Variants in COL27A1 observed in about 807,000 individuals in gnomAD.
The protein encoded by COL27A1 is collagen type XXVII alpha 1 chain.
COL27A1 carries 106 observed loss-of-function variants against 251.3 expected under a neutral mutation model. The ratio of observed to expected loss-of-function variants is 0.42; its 90% CI spans 0.36 to 0.50. The LOEUF (loss-of-function observed/expected upper bound fraction) is 0.50, where lower values mean the gene tolerates loss of function less well. Ranked by LOEUF, COL27A1 falls within the 20% of genes least tolerant of loss-of-function variation. The probability of loss-of-function intolerance (pLI) is 0.00; values close to 1 mark genes in which losing one functional copy is unlikely to be tolerated. For missense variants in COL27A1, 2,325 were observed against 2,522.8 expected (o/e 0.92, Z 1.68); for synonymous variants, 1,000 against 986.3 (o/e 1.01, Z -0.26).
chr9:114,167,584 C>A, intron 2 of COL27A1, 105 bp from the exon 3 acceptor site: 1 of 907,342 alleles, frequency 1.1e-6, no homozygotes, highest in South Asian at 1.6e-5. Context: ...GACCAGGTAG[C>A]TGTGGGTGGA....
rs745478632 is a variant in COL27A1, at chr9:114,288,726, C to T, written c.4069C>T (p.Arg1357Cys). 21 of 1,610,436 alleles carry T rather than the reference C, an allele frequency of 1.3e-5. No homozygotes were observed. The highest frequency in any genetic ancestry group is 3.3e-5 in the Admixed American group (2 of 59,868). ...GGGCCCTGTGGGTGATCGAGGAGACCGCGGGGAACCGGGAGACCCTGGGTA... is the reference window on the plus strand; with the variant it reads ...GGGCCCTGTGGGTGATCGAGGAGACTGCGGGGAACCGGGAGACCCTGGGTA... ...DRGPVGDRGDRGEPGDPGYPG... is the reference protein window; with the variant it reads ...DRGPVGDRGDCGEPGDPGYPG... Residue 1357 changes from arginine to cysteine, a missense_variant, in exon 43 of 61, where the codon CGC (arginine) becomes TGC (cysteine). Physicochemically the swap from Arg to Cys is radical, Grantham distance 180. Coordinates refer to ENST00000356083, the MANE Select transcript of COL27A1 (RefSeq NM_032888.4).
In COL27A1 at chr9:114,311,515, A is replaced by C. The variant is rs2131708851; in HGVS notation, c.*820A>C. 1 of 150,374 alleles carries C rather than the reference A, an allele frequency of 6.7e-6. No individual in the cohort carries two copies. Among genetic ancestry groups the C allele is most frequent in the East Asian group, 2.0e-4 (1 of 5,098 alleles). 9.3% of individuals were successfully genotyped at this position (150,374 alleles called of 1,614,324 possible). ...GCATCGCCCTTGTGCTCATCAGGTA[A>C]TCTGCTAAGGAGGAAAAAAGAAAAG... On this transcript the variant is annotated 3_prime_UTR_variant, in exon 61 of 61. Transcript: ENST00000356083.
Position 114,183,095 on chromosome 9 carries a change from G to A in COL27A1, c.2016+20G>A, listed in dbSNP as rs376908693. On this transcript the variant is annotated intron_variant, in intron 5 of 60. Transcript: ENST00000356083. ...GCCAAAGTGAGTATTTGCTGGAGAT[G>A]TGGCCATGGAGTGGGTGCTGGGGTT... 16 of 1,610,410 alleles carry A rather than the reference G, an allele frequency of 9.9e-6. No individual in the cohort carries two copies. Among genetic ancestry groups the A allele is most frequent in the Non-Finnish European group, 1.3e-5 (15 of 1,177,744 alleles).
chr9:114,188,534 C>T (rs1828537956), intron 5 of COL27A1, among the ~76,000 whole-genome samples: 1 of 151,804 alleles, frequency 6.6e-6, no homozygotes, highest in African/African-American at 2.4e-5. Context: ...GAGGATTAAA[C>T]TGTGTGTGTG....
At chr9:114,189,097 C>A (rs1234274653) in intron 5 of COL27A1, among the ~76,000 whole-genome samples, 1 of 152,166 alleles carries the variant, frequency 6.6e-6, no homozygotes, top group African/African-American at 2.4e-5. Context: ...TCTATAAAAT[C>A]TGTGGTTCTT....
chr9:114,241,821 T>G (rs1264729270), intron 21 of COL27A1, among the ~76,000 whole-genome samples: 1 of 152,206 alleles, frequency 6.6e-6, no homozygotes, highest in African/African-American at 2.4e-5. Context: ...TCTGGGAAAC[T>G]GAGACACAGT....
At position 114,306,371 on chromosome 9, in the gene COL27A1, C is replaced by G. The variant is rs779292121; in HGVS notation, c.4939-149C>G. The stretch of plus-strand genomic sequence containing the variant: ...TGTCCCTGGCCCGTTTTCTTGTCTG[C>G]AAAATAAAGAGAAACCCAACCCGTG... On this transcript the variant is annotated intron_variant, in intron 57 of 60. Coordinates refer to ENST00000356083, the MANE Select transcript of COL27A1 (RefSeq NM_032888.4). The G allele has an allele frequency of 2.7e-4, 196 of 719,698 alleles. 1 individual carries two copies. The highest frequency in any genetic ancestry group is 4.1e-4 in the Non-Finnish European group (182 of 446,050). The allele number at this position is 719,698 out of a possible 1,614,324, so 44.6% of individuals were successfully genotyped here. A position where few individuals can be genotyped will look rare whatever the true frequency, so the allele number is the denominator to read the frequency against.
chr9:114,157,899 A>G (rs1243108569), intron 1 of COL27A1, among the ~76,000 whole-genome samples: 1 of 152,234 alleles, frequency 6.6e-6, no homozygotes, highest in African/African-American at 2.4e-5. Flanking sequence ...ATGCTTGTAA[A>G]GGGCTTAGAA....
chr9:114,173,982 AT>A (rs35701083), intron 3 of COL27A1, among the ~76,000 whole-genome samples: 96,353 of 145,322 alleles, frequency 0.66, 31,747 homozygotes, highest in South Asian at 0.79. Flanking sequence ...GACTGCCCCC[AT>A]TTTTTTTTTT....
intron 7 of COL27A1, among the ~76,000 whole-genome samples, chr9:114,199,027 A>G (rs1438369837): frequency 6.6e-6 from 1 of 152,188 alleles, no homozygotes; most frequent in Non-Finnish European, 1.5e-5. Context: ...GCATCTGAAG[A>G]AGGTCTTGCC....
rs758871139 is a variant in COL27A1, at chr9:114,208,565, C to T, written c.2269-1110C>T. Among the ~76,000 whole-genome samples, 37 of 152,170 alleles carry T rather than the reference C, an allele frequency of 2.4e-4. 3 individuals carry two copies. Among genetic ancestry groups the T allele is most frequent in the Admixed American group, 1.8e-3 (28 of 15,266 alleles). On this transcript the variant is annotated intron_variant, in intron 10 of 60. Coordinates refer to ENST00000356083, the MANE Select transcript of COL27A1 (RefSeq NM_032888.4). ...CTGGCAGCAGGCCTGGCCTATCATT[C>T]GTGCTCAATAAACATTAGCTTTTGT...
In COL27A1 at chr9:114,270,765, G is replaced by A; in HGVS notation, c.3593G>A (p.Gly1198Glu). Reference sequence around the variant, plus strand: ...CTTGAGGGTGACAGTGGCCCCATGGGACCTGATGGGCTGAAGGTAAGTGCC... The same window carrying A: ...CTTGAGGGTGACAGTGGCCCCATGGAACCTGATGGGCTGAAGGTAAGTGCC... ...PGLEGDSGPM[G>E]PDGLKGDRGD... The change falls in exon 36 of 61, where the codon GGA becomes GAA. Residue 1198 changes from glycine to glutamate, a missense_variant. Coordinates refer to ENST00000356083, the MANE Select transcript of COL27A1 (RefSeq NM_032888.4). 1 of 1,613,150 alleles carries A rather than the reference G, an allele frequency of 6.2e-7. No individual in the cohort carries two copies. The highest frequency in any genetic ancestry group is 2.2e-5 in the East Asian group (1 of 44,822).
chr9:114,283,630 C>T, intron 39 of COL27A1, 79 bp from the exon 40 acceptor site: 1 of 1,359,106 alleles, frequency 7.4e-7, no homozygotes. Flanking sequence ...CGGAGCGGGG[C>T]TGGAGCCTGC....
intron 7 of COL27A1, among the ~76,000 whole-genome samples, chr9:114,197,784 G>C (rs1355077539): frequency 6.6e-6 from 1 of 152,240 alleles, no homozygotes; most frequent in East Asian, 1.9e-4. Context: ...AAAGCCAATT[G>C]CTCTGAGCTC....
chr9:114,172,695 G>C (rs759940313), intron 3 of COL27A1, among the ~76,000 whole-genome samples: 1 of 152,176 alleles, frequency 6.6e-6, no homozygotes, highest in African/African-American at 2.4e-5. Flanking sequence ...TTGGGAGGCC[G>C]AGGTAGGAGA....
At chr9:114,154,187 G>A (rs930125608), upstream of COL27A1, among the ~76,000 whole-genome samples, 1 of 151,990 alleles carries the variant, frequency 6.6e-6, no homozygotes, top group Non-Finnish European at 1.5e-5. This position sits in a 1 kb window ranked among gnomAD's most constrained non-coding sequence, Gnocchi z 5.8. Context: ...GGACCGGGTC[G>A]GCGGCGCAGT....
Position 114,235,607 on chromosome 9 carries a change from A to G in COL27A1, c.2574A>G (p.Gln858=), listed in dbSNP as rs770779219. 6.2e-7 allele frequency: 1 copy of G among 1,613,774 alleles called. No individual in the cohort carries two copies. The highest frequency in any genetic ancestry group is 1.1e-5 in the South Asian group (1 of 91,066). ...EPGLKGDKGE[Q]GVPGVSGDPG... Reference sequence around the variant, plus strand: ...TGCTGGTGTGTACTTAGGGTGAACAAGGGGTTCCAGGTGTGTCAGGAGATC... The same window carrying G: ...TGCTGGTGTGTACTTAGGGTGAACAGGGGGTTCCAGGTGTGTCAGGAGATC... Residue 858 remains glutamine, a synonymous_variant, in exon 17 of 61, where the codon CAA becomes CAG. Coordinates refer to ENST00000356083, the MANE Select transcript of COL27A1 (RefSeq NM_032888.4).
chr9:114,169,072 C>A lies in COL27A1; in HGVS notation c.1517C>A (p.Thr506Lys). ...GSTRSTRPPA[T>K]MVPPTSGTST... ...ACCAGGAGTACTCGGCCACCAGCCA[C>A]GATGGTACCTCCAACTTCGGGCACC... The change falls in exon 3 of 61, where the codon ACG (threonine) becomes AAG (lysine). Residue 506 changes from threonine (T) to lysine (K), a missense_variant. Around this residue, in one of 4 missense-constraint regions of COL27A1, gnomAD observed 1,183 missense variants for 1,144.1 expected, o/e 1.03. Transcript: ENST00000356083. 1 of 1,614,066 alleles carries A rather than the reference C, an allele frequency of 6.2e-7. No individual in the cohort carries two copies. The highest frequency in any genetic ancestry group is 8.5e-7 in the Non-Finnish European group (1 of 1,179,958).
At chr9:114,258,476 C>A (rs377417061) in intron 27 of COL27A1, 65 bp from the exon 28 acceptor site, 4 of 1,507,318 alleles carry the variant, frequency 2.7e-6, no homozygotes, top group Non-Finnish European at 1.8e-6. Context: ...CCCACACTCC[C>A]AGCCCCCCGT....
Sources: allele counts gnomAD v4.1 joint callset (sites outside exome capture counted in the v4.1 genomes callset), GRCh38; gene constraint gnomAD v4.1.1; regional missense constraint gnomAD v4.1.1; non-coding constraint Gnocchi (gnomAD v3.1); transcripts MANE v1.5; gene names NCBI Gene and HGNC (gene_info 2026-07-23, HGNC 2026-07-21).